The following AKAP9 variants were observed in gnomAD, a reference collection of about 807,000 sequenced individuals.
The protein encoded by AKAP9 is A-kinase anchoring protein 9.
A neutral mutation model predicts 488.5 loss-of-function variants in AKAP9; 311 were observed. The ratio of observed to expected loss-of-function variants is 0.64; its 90% CI spans 0.58 to 0.70. The LOEUF (loss-of-function observed/expected upper bound fraction) is 0.70, where lower values mean the gene tolerates loss of function less well. Ranked by LOEUF, AKAP9 falls within the 30% of genes least tolerant of loss-of-function variation. The probability of loss-of-function intolerance (pLI) is 0.00; values close to 1 mark genes in which losing one functional copy is unlikely to be tolerated. For missense variants in AKAP9, 4,215 were observed against 4,374.5 expected (o/e 0.96, Z 1.03); for synonymous variants, 1,462 against 1,483.5 (o/e 0.99, Z 0.33).
intron 8 of AKAP9, among the ~76,000 whole-genome samples, chr7:92,006,747 T>A (rs143915161): frequency 2.0e-5 from 3 of 152,292 alleles, no homozygotes; most frequent in African/African-American, 7.2e-5. Flanking sequence ...AAAAACATCA[T>A]AGAAGTCTTT....
At position 91,941,013 on chromosome 7, in the gene AKAP9, C is replaced by T. The variant is rs958943654; in HGVS notation, c.-87C>T. 70 of 1,362,532 alleles carry T rather than the reference C, an allele frequency of 5.1e-5. No individual in the cohort carries two copies. Among genetic ancestry groups the T allele is most frequent in the Non-Finnish European group, 6.6e-5 (63 of 950,816 alleles). 84.4% of individuals were successfully genotyped at this position (1,362,532 alleles called of 1,614,324 possible). On this transcript the variant is annotated 5_prime_UTR_variant, in exon 1 of 50. Coordinates refer to ENST00000356239, the MANE Select transcript of AKAP9 (RefSeq NM_005751.5). ...CGGCTCTCTAGGCCGTGGAGCTTGC[C>T]GTCCCACCTCCGTCCAAATCGACCT...
chr7:91,967,917 G>C (rs1289807081), intron 1 of AKAP9, among the ~76,000 whole-genome samples: 10 of 152,152 alleles, frequency 6.6e-5, no homozygotes, highest in Non-Finnish European at 1.5e-4. Context: ...AAGCCATCAA[G>C]TCCTGGGCTT....
In AKAP9 at chr7:91,982,344, G is replaced by A. The variant is rs373684279; in HGVS notation, c.351+2011G>A. 6.6e-5 allele frequency among the ~76,000 whole-genome samples: 10 copies of A among 151,244 alleles called. 1 individual carries two copies. Among genetic ancestry groups the A allele is most frequent in the Admixed American group, 3.3e-4 (5 of 15,154 alleles). On this transcript the variant is annotated intron_variant, in intron 3 of 49. Transcript: ENST00000356239. ...CTCCTAATGCTATCCCTCCCCCAGC[G>A]CCCCACCCCTCGACAGGCCCCCATG...
chr7:92,011,628 A>G (rs1441911363), intron 8 of AKAP9, among the ~76,000 whole-genome samples: 2 of 152,238 alleles, frequency 1.3e-5, no homozygotes, highest in Non-Finnish European at 2.9e-5. Flanking sequence ...AATAGACAGT[A>G]TGGTTTGATG....
intron 1 of AKAP9, among the ~76,000 whole-genome samples, chr7:91,965,664 C>T (rs912535593): frequency 6.6e-6 from 1 of 152,164 alleles, no homozygotes; most frequent in African/African-American, 2.4e-5. Context: ...TACAAGGGCT[C>T]TTCTCTCTCC....
intron 3 of AKAP9, among the ~76,000 whole-genome samples, chr7:91,982,710 A>G (rs1796587968): frequency 6.6e-6 from 1 of 152,192 alleles, no homozygotes; most frequent in South Asian, 2.1e-4. Flanking sequence ...TATACCCAGT[A>G]ATGGGATCGC....
At chr7:92,091,660 A>G (rs1331848033) in intron 38 of AKAP9, among the ~76,000 whole-genome samples, 1 of 151,772 alleles carries the variant, frequency 6.6e-6, no homozygotes, top group East Asian at 1.9e-4. Context: ...AAAAAAAAGC[A>G]GGTTAAAATT....
At chr7:92,053,002 A>G (rs1332128191) in intron 22 of AKAP9, 44 bp downstream of exon 22, 6 of 1,447,134 alleles carry the variant, frequency 4.1e-6, no homozygotes, top group Middle Eastern at 1.7e-4. Context: ...TTGAAGTACA[A>G]TATACTATCC....
rs1469189807 is a variant in AKAP9, at chr7:92,089,423, A to G, written c.9252A>G (p.Lys3084=). ...AAGCAGCTATGGAATGCCTCCAGAA[A>G]GCAGATAGAAGGAGTTTGTTATCTG... The part of the protein sequence containing the change: ...EYQAAMECLQ[K]ADRRSLLSEI... Residue 3084 remains lysine, a synonymous_variant, in exon 38 of 50, where the codon AAA becomes AAG. Coordinates refer to ENST00000356239, the MANE Select transcript of AKAP9 (RefSeq NM_005751.5). 1.9e-6 allele frequency: 3 copies of G among 1,612,192 alleles called. No individual in the cohort carries two copies. Among genetic ancestry groups the G allele is most frequent in the Non-Finnish European group, 1.7e-6 (2 of 1,179,722 alleles).
At chr7:92,054,022 G>T (rs956516559) in intron 22 of AKAP9, among the ~76,000 whole-genome samples, 13 of 152,052 alleles carry the variant, frequency 8.5e-5, no homozygotes, top group African/African-American at 3.1e-4. Flanking sequence ...CTAGTTGTTG[G>T]CATTAGGTAT....
At chr7:92,041,374 C>G (rs1377051520) in intron 18 of AKAP9, 1 of 155,132 alleles carries the variant, frequency 6.4e-6, no homozygotes, top group African/African-American at 2.4e-5. Flanking sequence ...TGTCTTTAAT[C>G]CATCTTTTTA....
At chr7:92,106,234 A>G (rs1818488346) in intron 47 of AKAP9, among the ~76,000 whole-genome samples, 1 of 152,236 alleles carries the variant, frequency 6.6e-6, no homozygotes. Context: ...TGCCAAAACT[A>G]GGTAACTTCA....
chr7:92,031,939 A>G (rs1469231685), intron 16 of AKAP9, among the ~76,000 whole-genome samples: 1 of 152,240 alleles, frequency 6.6e-6, no homozygotes, highest in Non-Finnish European at 1.5e-5. Flanking sequence ...GGTCCTCTGT[A>G]TATATTATCT....
chr7:92,100,017 A>G (rs1817259456), intron 44 of AKAP9, 148 bp downstream of exon 44: 1 of 673,048 alleles, frequency 1.5e-6, no homozygotes, highest in South Asian at 1.8e-5. Flanking sequence ...GATGACAATA[A>G]TAATATTATT....
chr7:92,051,250 C>G (rs867221274), intron 21 of AKAP9, among the ~76,000 whole-genome samples: 7 of 152,132 alleles, frequency 4.6e-5, no homozygotes, highest in Non-Finnish European at 7.4e-5. Flanking sequence ...TCACACTGTT[C>G]CCTTTGCGTC....
At chr7:92,055,626 C>T (rs1027786845) in intron 22 of AKAP9, among the ~76,000 whole-genome samples, 6 of 151,858 alleles carry the variant, frequency 4.0e-5, no homozygotes, top group Admixed American at 6.6e-5. Context: ...TGAAACCTGG[C>T]GATAATAAGC....
intron 40 of AKAP9, 130 bp downstream of exon 40, chr7:92,095,303 T>A: frequency 4.0e-6 from 4 of 993,206 alleles, no homozygotes; most frequent in Non-Finnish European, 6.2e-6. Flanking sequence ...CACTGTGCAT[T>A]GAATACTACA....
chr7:92,060,988 T>C lies in AKAP9; in HGVS notation c.5602-272T>C, dbSNP rs73407525. Among the ~76,000 whole-genome samples the C allele has an allele frequency of 0.035, 5,326 of 152,252 alleles. 273 individuals are homozygous for C. The highest frequency in any genetic ancestry group is 0.12 in the African/African-American group (4,846 of 41,522). The stretch of plus-strand genomic sequence containing the variant: ...ATATGATAAAGTACACAGCCATTGA[T>C]TTAAAGTGGTTTGTATCCAAAAGAA... On this transcript the variant is annotated intron_variant, in intron 22 of 49. Transcript: ENST00000356239.
intron 28 of AKAP9, among the ~76,000 whole-genome samples, chr7:92,074,686 A>G (rs1475871981): frequency 6.6e-6 from 1 of 152,222 alleles, no homozygotes; most frequent in Non-Finnish European, 1.5e-5. Flanking sequence ...GAAGCCACAA[A>G]AAAGGATGAG....
Sources: gnomAD v4.1 joint callset for allele counts (sites outside exome capture counted in the v4.1 genomes callset) on GRCh38, gnomAD v4.1.1 for gene constraint, MANE v1.5 for transcripts, NCBI Gene and HGNC (gene_info 2026-07-23, HGNC 2026-07-21) for gene names.